Variants in USP32 observed in about 807,000 individuals in gnomAD.
USP32 encodes the protein ubiquitin specific peptidase 32, also known as ubiquitin carboxyl-terminal hydrolase 32.
USP32 carries 59 observed loss-of-function variants against 204.8 expected under a neutral mutation model. That is an observed-to-expected ratio of 0.29 (90% CI 0.23 to 0.36). USP32 has a LOEUF of 0.36. Among genes scored for constraint, USP32 ranks in the 10% least tolerant of loss-of-function variants. The pLI, the probability that USP32 is intolerant of heterozygous loss-of-function variation, is 1.00. For synonymous variants in USP32, 517 were observed against 678.4 expected (o/e 0.76, Z 3.70); for missense variants, 1,160 against 1,946.4 (o/e 0.60, Z 7.60).
chr17:60,349,596 A>AAAAAAAAATATATATATATAT (rs1555618242), intron 1 of USP32, among the ~76,000 whole-genome samples: 1 of 65,202 alleles, frequency 1.5e-5, no homozygotes, highest in Non-Finnish European at 2.5e-5. Context: ...AAAAAAAAAA[A>AAAAAAAAATATATATATATAT]ATATATATAT....
At chr17:60,236,380 G>T in intron 11 of USP32, 140 bp from the exon 12 acceptor site, 3 of 564,120 alleles carry the variant, frequency 5.3e-6, no homozygotes, top group Non-Finnish European at 6.2e-6. Flanking sequence ...AACCCAATTA[G>T]TAAAACAACA....
At chr17:60,309,826 A>G (rs2087812006) in intron 2 of USP32, among the ~76,000 whole-genome samples, 1 of 151,260 alleles carries the variant, frequency 6.6e-6, no homozygotes, top group South Asian at 2.1e-4. Context: ...CAGGTGGATC[A>G]CAAGGTCAGG....
At chr17:60,202,615 T>C (rs545593287) in intron 26 of USP32, among the ~76,000 whole-genome samples, 1 of 152,316 alleles carries the variant, frequency 6.6e-6, no homozygotes, top group Admixed American at 6.5e-5. Flanking sequence ...TCTTCTTTAA[T>C]TTCTATCAAT....
chr17:60,387,579 T>G (rs1430949232), intron 1 of USP32, among the ~76,000 whole-genome samples: 1 of 152,220 alleles, frequency 6.6e-6, no homozygotes, highest in Non-Finnish European at 1.5e-5. Flanking sequence ...TTATGTGCAT[T>G]ATTAAACATA....
intron 2 of USP32, among the ~76,000 whole-genome samples, chr17:60,328,405 T>G (rs984292186): frequency 6.6e-6 from 1 of 152,146 alleles, no homozygotes; most frequent in Non-Finnish European, 1.5e-5. Flanking sequence ...CCCCTTCTGC[T>G]GAGAGCTGAA....
intron 1 of USP32, among the ~76,000 whole-genome samples, chr17:60,405,161 T>G (rs1319350720): frequency 6.6e-6 from 1 of 152,126 alleles, no homozygotes; most frequent in Non-Finnish European, 1.5e-5. Context: ...CAAAACTGTT[T>G]CAAAAATAAA....
chr17:60,181,732 T>C lies in USP32; in HGVS notation c.4140A>G (p.Ser1380=). ...ISSPKGSPSS[S]RKSGTSCPSS... is the part of the protein sequence containing the mutation. ...AGGGACAGCTGGTTCCACTTTTTCT[T>C]GATGAAGAAGGAGAACCTGTGAACA... Residue 1380 remains serine (S), a synonymous_variant, in exon 32 of 34, where the codon TCA becomes TCG. Coordinates refer to ENST00000300896, the MANE Select transcript of USP32 (RefSeq NM_032582.4). The C allele has an allele frequency of 6.2e-7, 1 of 1,607,562 alleles. No individual in the cohort carries two copies. Among genetic ancestry groups the C allele is most frequent in the South Asian group, 1.1e-5 (1 of 90,792 alleles).
intron 1 of USP32, among the ~76,000 whole-genome samples, chr17:60,371,968 G>A (rs2089450674): frequency 6.6e-6 from 1 of 152,182 alleles, no homozygotes; most frequent in South Asian, 2.1e-4. Flanking sequence ...TTTCAGCTGT[G>A]AATCCTACGC....
chr17:60,277,918 C>CTT (rs11422765), intron 5 of USP32, among the ~76,000 whole-genome samples: 4,943 of 132,682 alleles, frequency 0.037, 424 homozygotes, highest in African/African-American at 0.13. Context: ...ATAATAGTTC[C>CTT]TTTTTTTTTT....
chr17:60,235,132 C>T (rs974450173), intron 12 of USP32, among the ~76,000 whole-genome samples: 4 of 152,114 alleles, frequency 2.6e-5, no homozygotes, highest in Non-Finnish European at 5.9e-5. Flanking sequence ...GAAAACAAAA[C>T]GTAATACATC....
intron 2 of USP32, among the ~76,000 whole-genome samples, chr17:60,345,029 G>A (rs1393740108): frequency 6.6e-6 from 1 of 152,008 alleles, no homozygotes; most frequent in Non-Finnish European, 1.5e-5. Flanking sequence ...AAACATTTTA[G>A]TAGAACTTAA....
At chr17:60,276,910 C>T (rs1164741864) in intron 5 of USP32, among the ~76,000 whole-genome samples, 10 of 149,904 alleles carry the variant, frequency 6.7e-5, no homozygotes, top group Admixed American at 2.7e-4. Context: ...CTCAATCAAA[C>T]ATTTGTCAAA....
At chr17:60,307,699 C>T (rs2087758191) in intron 2 of USP32, among the ~76,000 whole-genome samples, 1 of 152,152 alleles carries the variant, frequency 6.6e-6, no homozygotes, top group Non-Finnish European at 1.5e-5. Flanking sequence ...CTGGCTAGGG[C>T]TCCACCCTCA....
intron 18 of USP32, among the ~76,000 whole-genome samples, chr17:60,213,326 T>A (rs1049489832): frequency 6.6e-6 from 1 of 152,258 alleles, no homozygotes; most frequent in African/African-American, 2.4e-5. Context: ...GTTTTTTATC[T>A]ACCATTCCCA....
intron 1 of USP32, among the ~76,000 whole-genome samples, chr17:60,419,749 T>A (rs1415521177): frequency 2.7e-5 from 4 of 148,582 alleles, no homozygotes; most frequent in South Asian, 4.3e-4. Flanking sequence ...AAAAAAAAAA[T>A]TCTGTGCAAC....
At chr17:60,196,715 C>T (rs1162926810) in intron 27 of USP32, among the ~76,000 whole-genome samples, 4 of 151,650 alleles carry the variant, frequency 2.6e-5, no homozygotes, top group Non-Finnish European at 5.9e-5. Context: ...ATCCCAGCTA[C>T]TCAGGAGGCT....
intron 27 of USP32, among the ~76,000 whole-genome samples, chr17:60,195,258 C>T (rs141690406): frequency 4.7e-4 from 71 of 152,334 alleles, no homozygotes; most frequent in African/African-American, 1.5e-3. Flanking sequence ...GCATTTGAAA[C>T]GACTATCACT....
intron 2 of USP32, among the ~76,000 whole-genome samples, chr17:60,315,269 G>A (rs2087946129): frequency 6.6e-6 from 1 of 152,084 alleles, no homozygotes; most frequent in South Asian, 2.1e-4. Flanking sequence ...GCGTGGCGGT[G>A]TGCGCCTGTA....
intron 9 of USP32, among the ~76,000 whole-genome samples, chr17:60,259,880 C>G (rs1326082756): frequency 6.6e-6 from 1 of 152,114 alleles, no homozygotes; most frequent in Non-Finnish European, 1.5e-5. Flanking sequence ...ATTAGAAGTG[C>G]TTGGGGTCTT....
Sources: allele counts gnomAD v4.1 joint callset (sites outside exome capture counted in the v4.1 genomes callset), GRCh38; gene constraint gnomAD v4.1.1; transcripts MANE v1.5; gene names NCBI Gene and HGNC (gene_info 2026-07-23, HGNC 2026-07-21).